RBM41: variants seen among roughly 807,000 people sequenced by gnomAD.
The protein encoded by RBM41 is RNA binding motif protein 41.
In RBM41, 14 loss-of-function variants were observed where a neutral mutation model predicts 30.8. The ratio of observed to expected loss-of-function variants is 0.45; its 90% confidence interval spans 0.30 to 0.71. The LOEUF is 0.71. RBM41 is among the 30% of genes least tolerant of loss of function. The probability of loss-of-function intolerance (pLI) is 0.08; values close to 1 mark genes in which losing one functional copy is unlikely to be tolerated. For synonymous variants in RBM41, 120 were observed against 110.1 expected (o/e 1.09, Z -0.56); for missense variants, 276 against 326.3 (o/e 0.85, Z 1.19).
At chrX:107,117,284 T>C (rs1253109934) in intron 1 of RBM41, among the ~76,000 whole-genome samples, 1 of 112,128 alleles carries the variant, frequency 8.9e-6, no homozygotes, top group African/African-American at 3.2e-5. Flanking sequence ...AAGTAGTAAT[T>C]TATCAAACAG....
intron 6 of RBM41, among the ~76,000 whole-genome samples, chrX:107,072,037 T>TG (rs1190894473): frequency 1.8e-5 from 2 of 111,587 alleles, no homozygotes; most frequent in African/African-American, 3.3e-5. Context: ...ATCAGTAGAA[T>TG]GGGGAAAAGC....
intron 6 of RBM41, among the ~76,000 whole-genome samples, chrX:107,081,025 A>G (rs760317364): frequency 8.9e-6 from 1 of 111,863 alleles, no homozygotes; most frequent in African/African-American, 3.2e-5. Flanking sequence ...AATGTTAATA[A>G]AGTCTGACTT....
chrX:107,056,038 A>G, the RBM41 span, among the ~76,000 whole-genome samples: 1 of 112,249 alleles, frequency 8.9e-6, no homozygotes, highest in Admixed American at 9.4e-5. Flanking sequence ...GGCTTTTCAT[A>G]AATGTTCTTT....
chrX:107,067,740 C>G lies in RBM41; in HGVS notation c.1148-47G>C, dbSNP rs766029438. On this transcript the variant is annotated intron_variant, in intron 7 of 7. Coordinates refer to ENST00000685964, the MANE Select transcript of RBM41 (RefSeq NM_001324242.2). The stretch of plus-strand genomic sequence containing the variant: ...TCAATTTACATAGGACTTAATAATT[C>G]AATTCTATTCCAGGTTTAGTTTAGA... 2.7e-6 allele frequency: 3 copies of G among 1,117,495 alleles called. No homozygotes were observed. The African/African-American group carries it at 5.5e-5, about 20-fold the overall frequency. The allele number at this position is 1,117,495 out of a possible 1,213,427, so 92.1% of individuals were successfully genotyped here. A position where few individuals can be genotyped will look rare whatever the true frequency, so the allele number is the denominator to read the frequency against.
At chrX:107,060,473 G>A (rs1184140450), downstream of RBM41, among the ~76,000 whole-genome samples, 15 of 110,740 alleles carry the variant, frequency 1.4e-4, no homozygotes, top group African/African-American at 4.3e-4. Context: ...AGGGAGCAGC[G>A]TTCTTCCCCT....
intron 6 of RBM41, among the ~76,000 whole-genome samples, chrX:107,083,533 T>A (rs1034753450): frequency 9.0e-6 from 1 of 111,499 alleles, no homozygotes; most frequent in African/African-American, 3.3e-5. Flanking sequence ...TCCAATAACA[T>A]GTATGTTATA....
At chrX:107,075,168 T>C (rs191776636) in intron 6 of RBM41, among the ~76,000 whole-genome samples, 97 of 111,852 alleles carry the variant, frequency 8.7e-4, no homozygotes, top group Non-Finnish European at 6.2e-4. Context: ...AAAAAGATAG[T>C]CTCTTTAACA....
intron 6 of RBM41, among the ~76,000 whole-genome samples, chrX:107,083,590 A>G (rs1921743429): frequency 9.1e-6 from 1 of 110,180 alleles, no homozygotes; most frequent in South Asian, 3.9e-4. Context: ...CCTTTTTTTC[A>G]GTCTTTTTTT....
rs1407631329 is a variant in RBM41, at chrX:107,116,046, GACATACATCTGCAAA to G, written c.126-7_133del. On this transcript the variant is annotated splice_acceptor_variant and splice_polypyrimidine_tract_variant and coding_sequence_variant and intron_variant, in exon 3 of 8. Coordinates refer to ENST00000685964, the MANE Select transcript of RBM41 (RefSeq NM_001324242.2). LOFTEE classifies it high-confidence loss of function. ...ACCAGGAGCAAAGCTCTCTTTCTTAGACATACATCTGCAAAACATGCAGGAGGAGAGTAAGAACAT... is the reference window on the plus strand; with the variant it reads ...ACCAGGAGCAAAGCTCTCTTTCTTAGACATGCAGGAGGAGAGTAAGAACAT... 8.6e-7 allele frequency: 1 copy of G among 1,165,122 alleles called. No homozygotes were observed. Among genetic ancestry groups the G allele is most frequent in the African/African-American group, 1.8e-5 (1 of 56,244 alleles).
intron 5 of RBM41, among the ~76,000 whole-genome samples, chrX:107,105,374 C>A (rs1160809756): frequency 9.5e-6 from 1 of 105,578 alleles, no homozygotes; most frequent in Non-Finnish European, 2.0e-5. Context: ...AAAGAGGATA[C>A]AAACAAATGG....
intron 5 of RBM41, among the ~76,000 whole-genome samples, chrX:107,104,498 T>C (rs953577093): frequency 2.8e-4 from 31 of 111,659 alleles, no homozygotes; most frequent in African/African-American, 9.4e-4. Flanking sequence ...CATTAGGATA[T>C]CAAAAATATT....
chrX:107,104,449 A>T (rs1276763228), intron 5 of RBM41, among the ~76,000 whole-genome samples: 1 of 111,302 alleles, frequency 9.0e-6, no homozygotes, highest in East Asian at 2.8e-4. Context: ...TGTGTTTGAA[A>T]ATTTTCACTG....
chrX:107,076,683 TA>T (rs1292146781), intron 6 of RBM41, among the ~76,000 whole-genome samples: 1 of 111,287 alleles, frequency 9.0e-6, no homozygotes, highest in Non-Finnish European at 1.9e-5. Flanking sequence ...ATTGTACACT[TA>T]AAAATTTGTT....
intron 4 of RBM41, among the ~76,000 whole-genome samples, chrX:107,113,811 A>C (rs1411846546): frequency 1.8e-5 from 2 of 111,554 alleles, no homozygotes; most frequent in Non-Finnish European, 3.8e-5. Context: ...TCCTTCCTTC[A>C]CCACTGCTCT....
At chrX:107,073,143 G>A (rs1936123474) in intron 6 of RBM41, among the ~76,000 whole-genome samples, 1 of 111,455 alleles carries the variant, frequency 9.0e-6, no homozygotes, top group Non-Finnish European at 1.9e-5. Flanking sequence ...ATAAACAAAC[G>A]GGATTATATT....
intron 5 of RBM41, among the ~76,000 whole-genome samples, chrX:107,089,870 C>T (rs1922357439): frequency 9.0e-6 from 1 of 111,608 alleles, no homozygotes; most frequent in African/African-American, 3.3e-5. Flanking sequence ...CCACTGATGA[C>T]CACTGCCTAG....
At chrX:107,098,256 A>C (rs1184416603) in intron 5 of RBM41, among the ~76,000 whole-genome samples, 3 of 111,967 alleles carry the variant, frequency 2.7e-5, no homozygotes, top group Middle Eastern at 4.2e-3. Flanking sequence ...ATGGAATCCC[A>C]ATCAAAATCA....
At chrX:107,053,578 CAGTT>C in the RBM41 span, among the ~76,000 whole-genome samples, 1 of 112,135 alleles carries the variant, frequency 8.9e-6, no homozygotes, top group African/African-American at 3.2e-5. Flanking sequence ...GCACATCCAA[CAGTT>C]AGTAGGGTTT....
chrX:107,110,740 C>T (rs1924397154), intron 5 of RBM41, among the ~76,000 whole-genome samples: 1 of 111,435 alleles, frequency 9.0e-6, no homozygotes, highest in Non-Finnish European at 1.9e-5. Context: ...GGCATAAAGA[C>T]AGGTATATAT....
Sources: allele counts gnomAD v4.1 joint callset (sites outside exome capture counted in the v4.1 genomes callset), GRCh38; gene constraint gnomAD v4.1.1; transcripts MANE v1.5; gene names NCBI Gene and HGNC (gene_info 2026-07-23, HGNC 2026-07-21).